TTC7B: variants seen among roughly 807,000 people sequenced by gnomAD.
TTC7B encodes tetratricopeptide repeat protein 7B.
Under a neutral mutation model 106.8 loss-of-function variants are expected in TTC7B, and 28 were observed. The ratio of observed to expected loss-of-function variants is 0.26; its 90% confidence interval spans 0.19 to 0.36. The LOEUF is 0.36. TTC7B is among the 10% of genes least tolerant of loss of function. The pLI, the probability that TTC7B is intolerant of heterozygous loss-of-function variation, is 1.00. For synonymous variants in TTC7B, 405 were observed against 430.6 expected (o/e 0.94, Z 0.74); for missense variants, 862 against 1,076.4 (o/e 0.80, Z 2.79).
chr14:90,694,678 T>TTTTTATTTTATTATAAATATA (rs1887616564), intron 6 of TTC7B, among the ~76,000 whole-genome samples: 1 of 45,954 alleles, frequency 2.2e-5, no homozygotes, highest in Non-Finnish European at 4.3e-5. Context: ...TATATGTATA[T>TTTTTATTTTATTATAAATATA]TTTTATTTTA....
At chr14:90,783,010 T>G (rs1219701818) in intron 2 of TTC7B, among the ~76,000 whole-genome samples, 3 of 151,574 alleles carry the variant, frequency 2.0e-5, no homozygotes, top group Non-Finnish European at 4.4e-5. Context: ...TGAAGAAAAT[T>G]GCAAGCCTAG....
At chr14:90,785,545 A>G (rs1320700402) in intron 2 of TTC7B, among the ~76,000 whole-genome samples, 2 of 152,148 alleles carry the variant, frequency 1.3e-5, no homozygotes, top group African/African-American at 4.8e-5. Context: ...ATGAAAAGCA[A>G]AAGGAACTGA....
At chr14:90,622,501 G>A (rs892073162) in intron 15 of TTC7B, among the ~76,000 whole-genome samples, 2 of 151,908 alleles carry the variant, frequency 1.3e-5, no homozygotes, top group Non-Finnish European at 1.5e-5. Context: ...AGCTGAGGTG[G>A]GTAGATCGCT....
rs939294074 is a variant in TTC7B at position 90,600,057 on chromosome 14, C to A, written c.1967-6431G>T. Among the ~76,000 whole-genome samples, 2 of 152,152 alleles carry A rather than the reference C, an allele frequency of 1.3e-5. No homozygotes were observed. The highest frequency in any genetic ancestry group is 4.8e-5 in the African/African-American group (2 of 41,438). ...ACCTGTGCTTGAAGAACCAGAATGT[C>A]CTGGGGGCTGAGGACGGGAGGAGGC... On this transcript the variant is annotated intron_variant, in intron 17 of 19. Transcript: ENST00000328459. The surrounding 1 kb of genome is among the most constrained non-coding windows in gnomAD (Gnocchi z 4.3).
chr14:90,771,537 T>C (rs1315194208), intron 3 of TTC7B, among the ~76,000 whole-genome samples: 1 of 151,944 alleles, frequency 6.6e-6, no homozygotes, highest in Non-Finnish European at 1.5e-5. Context: ...GGGATGGAGG[T>C]TGCAGTGAGC....
chr14:90,651,812 T>C (rs969332417), intron 13 of TTC7B, among the ~76,000 whole-genome samples: 1 of 152,104 alleles, frequency 6.6e-6, no homozygotes, highest in Non-Finnish European at 1.5e-5. Context: ...AAACCACTGA[T>C]CATGATTTCA....
intron 15 of TTC7B, among the ~76,000 whole-genome samples, chr14:90,636,515 C>T (rs1884951586): frequency 6.7e-6 from 1 of 148,948 alleles, no homozygotes; most frequent in East Asian, 2.0e-4. Context: ...GTAGAAAAAA[C>T]CTCTATAAAA....
chr14:90,761,169 T>C (rs916340643), intron 3 of TTC7B, among the ~76,000 whole-genome samples: 2 of 114,500 alleles, frequency 1.7e-5, no homozygotes, highest in Non-Finnish European at 3.3e-5. Context: ...AAAACTCAAC[T>C]GCCAATGAAG....
rs1889360053 is a variant in TTC7B at position 90,534,306 on chromosome 14, C to T, written c.*7062G>A. 1 of 152,298 alleles carries T rather than the reference C, an allele frequency of 6.6e-6. No homozygotes were observed. The highest frequency in any genetic ancestry group is 6.5e-5 in the Admixed American group (1 of 15,292). 9.4% of individuals were successfully genotyped at this position (152,298 alleles called of 1,614,324 possible). On this transcript the variant is annotated 3_prime_UTR_variant, in exon 20 of 20. Coordinates refer to ENST00000328459, the MANE Select transcript of TTC7B (RefSeq NM_001010854.2). The stretch of plus-strand genomic sequence containing the variant: ...TGTTAGTGGCGGGAACGGCCGCAGC[C>T]CTAAGGCTCAGCCCTGGGGCTCGGC...
chr14:90,530,015 T>A lies in TTC7B; in HGVS notation c.*11353A>T, dbSNP rs1303913215. The A allele has an allele frequency of 3.3e-5, 5 of 152,238 alleles. No homozygotes were observed. The highest frequency in any genetic ancestry group is 5.9e-5 in the Non-Finnish European group (4 of 68,064). 9.4% of individuals were successfully genotyped at this position (152,238 alleles called of 1,614,324 possible). A position where few individuals can be genotyped will look rare whatever the true frequency, so the allele number is the denominator to read the frequency against. ...CGCTGTGGCTCACGCCTGTAAGTAA[T>A]CCCAGCACTTTGGGAGGCCGAGGTG... On this transcript the variant is annotated 3_prime_UTR_variant, in exon 20 of 20. Coordinates refer to ENST00000328459, the MANE Select transcript of TTC7B (RefSeq NM_001010854.2).
intron 11 of TTC7B, among the ~76,000 whole-genome samples, chr14:90,656,321 G>A (rs998334475): frequency 6.6e-6 from 1 of 152,128 alleles, no homozygotes; most frequent in East Asian, 1.9e-4. Flanking sequence ...ATCTTGACAT[G>A]AAGTTAAAGA....
At chr14:90,768,553 A>G (rs992796061) in intron 3 of TTC7B, among the ~76,000 whole-genome samples, 1 of 152,222 alleles carries the variant, frequency 6.6e-6, no homozygotes. Flanking sequence ...ATGAGATCTG[A>G]ATGGGGACAC....
Position 90,807,048 on chromosome 14 carries a change from C to G in TTC7B, c.121+9127G>C, listed in dbSNP as rs1203620948. 6.6e-6 allele frequency among the ~76,000 whole-genome samples: 1 copy of G among 152,158 alleles called. No homozygotes were observed. The highest frequency in any genetic ancestry group is 1.5e-5 in the Non-Finnish European group (1 of 68,032). On this transcript the variant is annotated intron_variant, in intron 1 of 19. Transcript: ENST00000328459. This position sits in a 1 kb window ranked among gnomAD's most constrained non-coding sequence, Gnocchi z 4.1. ...CTTTCTCCTGCCCGGGGTTCCTTTC[C>G]CCTTTGCTAAAATACCTCTATCTAC...
chr14:90,682,948 T>C (rs538989960), intron 7 of TTC7B, among the ~76,000 whole-genome samples: 2 of 152,172 alleles, frequency 1.3e-5, no homozygotes, highest in Non-Finnish European at 2.9e-5. Flanking sequence ...ACAGAAGACA[T>C]AGGGAACAAG....
chr14:90,785,212 T>C (rs960813555), intron 2 of TTC7B, among the ~76,000 whole-genome samples: 2 of 151,792 alleles, frequency 1.3e-5, no homozygotes, highest in Non-Finnish European at 2.9e-5. Flanking sequence ...AGATATGAAA[T>C]GTAAAGCCAA....
At chr14:90,619,208 C>T (rs1384954899) in intron 15 of TTC7B, among the ~76,000 whole-genome samples, 1 of 152,212 alleles carries the variant, frequency 6.6e-6, no homozygotes, top group Non-Finnish European at 1.5e-5. Context: ...CATTTTTGTT[C>T]TCACCTCGAG....
intron 17 of TTC7B, chr14:90,601,900 C>T (rs1192888074): frequency 1.9e-5 from 6 of 308,888 alleles, no homozygotes; most frequent in Non-Finnish European, 2.5e-5. Flanking sequence ...GGCGATGCGG[C>T]GAGTTGCCGG....
intron 19 of TTC7B, among the ~76,000 whole-genome samples, chr14:90,547,612 A>G (rs950805188): frequency 3.9e-5 from 6 of 152,162 alleles, no homozygotes; most frequent in East Asian, 1.9e-4. Context: ...CCTGGGCAAC[A>G]TGGTGAAACT....
chr14:90,753,638 G>C (rs1890200305), intron 3 of TTC7B, among the ~76,000 whole-genome samples: 1 of 152,206 alleles, frequency 6.6e-6, no homozygotes, highest in Non-Finnish European at 1.5e-5. Context: ...AGGGACGCCG[G>C]CCTGGATCCC....
Sources: gnomAD v4.1 joint callset for allele counts (sites outside exome capture counted in the v4.1 genomes callset) on GRCh38, gnomAD v4.1.1 for gene constraint, Gnocchi (gnomAD v3.1) non-coding constraint, MANE v1.5 for transcripts, NCBI Gene and HGNC (gene_info 2026-07-23, HGNC 2026-07-21) for gene names.